Variants in TNIK observed in about 807,000 individuals in gnomAD.
TNIK encodes the protein TRAF2 and NCK-interacting protein kinase.
A neutral mutation model predicts 191.3 loss-of-function variants in TNIK; 49 were observed. The observed-to-expected ratio is 0.26, with a 90% CI of 0.20 to 0.32. The LOEUF (loss-of-function observed/expected upper bound fraction) is 0.32, where lower values mean the gene tolerates loss of function less well. Among genes scored for constraint, TNIK ranks in the 10% least tolerant of loss-of-function variants. TNIK has a pLI of 1.00. For missense variants in TNIK, 1,155 were observed against 1,702.3 expected, an observed-to-expected ratio of 0.68 and a Z score of 5.66; for synonymous variants, 594 against 600.9, an observed-to-expected ratio of 0.99 and a Z score of 0.17.
At position 171,367,067 on chromosome 3, in the gene TNIK, G is replaced by A. The variant is rs188277266; in HGVS notation, c.123+2553C>T. Among the ~76,000 whole-genome samples the A allele has an allele frequency of 1.2e-4, 19 of 152,110 alleles. No individual in the cohort carries two copies. The South Asian group carries it at 3.3e-3, about 27-fold the overall frequency. On this transcript the variant is annotated intron_variant, in intron 2 of 32. Coordinates refer to ENST00000436636, the MANE Select transcript of TNIK (RefSeq NM_015028.4). ...GTCTCAAGTATTTCTTCATAGCAGC[G>A]GGAGAACAGACTAATACAGTATTTA...
intron 2 of TNIK, among the ~76,000 whole-genome samples, chr3:171,329,348 C>T (rs1296057304): frequency 1.4e-5 from 2 of 141,930 alleles, no homozygotes; most frequent in Non-Finnish European, 3.0e-5. Context: ...TTATTTCCCA[C>T]TAATATATAT....
intron 2 of TNIK, among the ~76,000 whole-genome samples, chr3:171,267,790 G>C (rs141474326): frequency 3.9e-5 from 6 of 152,270 alleles, no homozygotes; most frequent in African/African-American, 9.6e-5. Context: ...AGTTCTCCAC[G>C]TTCTCCATGT....
At chr3:171,143,718 C>T in intron 12 of TNIK, among the ~76,000 whole-genome samples, 1 of 152,130 alleles carries the variant, frequency 6.6e-6, no homozygotes, top group Middle Eastern at 3.2e-3. Context: ...CCATTGTTTC[C>T]ATATCAGGCC....
chr3:171,319,334 A>G (rs1754950116), intron 2 of TNIK, among the ~76,000 whole-genome samples: 1 of 152,192 alleles, frequency 6.6e-6, no homozygotes, highest in African/African-American at 2.4e-5. Flanking sequence ...TTGGGCAAAA[A>G]TTCTGCAGTT....
In TNIK at chr3:171,288,074, A is replaced by C. The variant is rs1399319368; in HGVS notation, c.124-59853T>G. ...TCAGTAAACTATTGCAAGAACAAAAAACCAAACACCACATATTCTCACTCA... is the reference window on the plus strand; with the variant it reads ...TCAGTAAACTATTGCAAGAACAAAACACCAAACACCACATATTCTCACTCA... On this transcript the variant is annotated intron_variant, in intron 2 of 32. Transcript: ENST00000436636. Among the ~76,000 whole-genome samples, 9 of 149,180 alleles carry C rather than the reference A, an allele frequency of 6.0e-5. No homozygotes were observed. The East Asian group carries it at 1.8e-3, about 30-fold the overall frequency.
chr3:171,251,840 A>G (rs1046706111), intron 2 of TNIK, among the ~76,000 whole-genome samples: 2 of 152,210 alleles, frequency 1.3e-5, no homozygotes, highest in African/African-American at 4.8e-5. Flanking sequence ...AATTTTTTAC[A>G]TTTAATATCA....
At chr3:171,265,254 G>A (rs1371447261) in intron 2 of TNIK, among the ~76,000 whole-genome samples, 1 of 152,186 alleles carries the variant, frequency 6.6e-6, no homozygotes, top group African/African-American at 2.4e-5. Flanking sequence ...GCCATTTGAA[G>A]AATCAAAAAC....
intron 2 of TNIK, among the ~76,000 whole-genome samples, chr3:171,327,363 C>T (rs1755883908): frequency 6.6e-6 from 1 of 152,212 alleles, no homozygotes; most frequent in Admixed American, 6.5e-5. Flanking sequence ...TTTCTCTTGC[C>T]TCCTGAGCAC....
chr3:171,335,413 C>G (rs1488316567), intron 2 of TNIK, among the ~76,000 whole-genome samples: 3 of 152,188 alleles, frequency 2.0e-5, no homozygotes, highest in Non-Finnish European at 4.4e-5. Context: ...AAAGTTCTCT[C>G]ATGCCCCTTT....
Position 171,101,456 on chromosome 3 carries a change from T to C in TNIK, c.2584A>G (p.Arg862Gly), listed in dbSNP as rs1466771190. ...DGTVAVSDIP[R>G]LIPTGAPGSN... ...TAAAAGTAGTTCTCTTACATCAGTCTGGGTATGTCGCTGACAGCCACTGTC... is the reference window on the plus strand; with the variant it reads ...TAAAAGTAGTTCTCTTACATCAGTCCGGGTATGTCGCTGACAGCCACTGTC... The change falls in exon 22 of 33, where the codon AGA (arginine) becomes GGA (glycine). Residue 862 changes from arginine to glycine, a missense_variant. Physicochemically the swap from Arg to Gly is moderately radical, Grantham distance 125 (BLOSUM62 -2). Transcript: ENST00000436636. 1 of 1,608,858 alleles carries C rather than the reference T, an allele frequency of 6.2e-7. No homozygotes were observed.
chr3:171,382,559 T>C (rs570305588), intron 1 of TNIK, among the ~76,000 whole-genome samples: 1 of 152,276 alleles, frequency 6.6e-6, no homozygotes, highest in South Asian at 2.1e-4. Context: ...TGGCATGTTA[T>C]AGGATGGCAC....
rs1456926540 is a variant in TNIK, at chr3:171,159,108, A to G, written c.1017-1444T>C. ...GATGGGTTTGGCTGCTAAATGGATG[A>G]CCTAGCGAGGGGTACAGGGGCAAGC... On this transcript the variant is annotated intron_variant, in intron 11 of 32. Coordinates refer to ENST00000436636, the MANE Select transcript of TNIK (RefSeq NM_015028.4). The surrounding 1 kb of genome is among the most constrained non-coding windows in gnomAD (Gnocchi z 4.1). Among the ~76,000 whole-genome samples, 1 of 152,120 alleles carries G rather than the reference A, an allele frequency of 6.6e-6. No individual in the cohort carries two copies. Among genetic ancestry groups the G allele is most frequent in the African/African-American group, 2.4e-5 (1 of 41,440 alleles).
chr3:171,136,145 C>T (rs955892404), intron 15 of TNIK, among the ~76,000 whole-genome samples: 1 of 152,148 alleles, frequency 6.6e-6, no homozygotes, highest in Non-Finnish European at 1.5e-5. Flanking sequence ...ATGGTTTGCA[C>T]AACATAATGA....
At chr3:171,107,931 G>A (rs1355898704) in intron 20 of TNIK, 134 bp downstream of exon 20, 3 of 805,312 alleles carry the variant, frequency 3.7e-6, no homozygotes, top group African/African-American at 3.5e-5. Context: ...GACTTTCTTC[G>A]GGATGTTTCT....
chr3:171,280,689 C>A (rs1329337053), intron 2 of TNIK, among the ~76,000 whole-genome samples: 1 of 150,446 alleles, frequency 6.6e-6, no homozygotes, highest in Non-Finnish European at 1.5e-5. Context: ...AATGATCTTT[C>A]AGAGATAAAC....
chr3:171,229,810 A>T (rs1446783963), intron 2 of TNIK, among the ~76,000 whole-genome samples: 1 of 152,138 alleles, frequency 6.6e-6, no homozygotes, highest in Non-Finnish European at 1.5e-5. Flanking sequence ...AGAAGGGGAC[A>T]GTAGGTCAGT....
intron 1 of TNIK, among the ~76,000 whole-genome samples, chr3:171,440,607 T>C (rs1726670792): frequency 6.6e-6 from 1 of 152,150 alleles, no homozygotes; most frequent in Non-Finnish European, 1.5e-5. Context: ...AGTTAAGGAG[T>C]TTAGCCTATG....
At chr3:171,395,114 T>C (rs1416796280) in intron 1 of TNIK, among the ~76,000 whole-genome samples, 44 of 152,130 alleles carry the variant, frequency 2.9e-4, no homozygotes, top group Admixed American at 2.8e-3. Flanking sequence ...AGACATGATA[T>C]TTTTATGAAG....
At chr3:171,432,522 C>T (rs1725507115) in intron 1 of TNIK, among the ~76,000 whole-genome samples, 1 of 152,196 alleles carries the variant, frequency 6.6e-6, no homozygotes, top group Admixed American at 6.5e-5. Flanking sequence ...TTCCCAAACT[C>T]ATAGCACTAA....
Sources: allele counts gnomAD v4.1 joint callset (sites outside exome capture counted in the v4.1 genomes callset), GRCh38; gene constraint gnomAD v4.1.1; non-coding constraint Gnocchi (gnomAD v3.1); transcripts MANE v1.5; gene names NCBI Gene and HGNC (gene_info 2026-07-23, HGNC 2026-07-21).